BRINP3: variants seen among roughly 807,000 people sequenced by gnomAD.
BRINP3 encodes the protein BMP/retinoic acid-inducible neural-specific protein 3.
In BRINP3, 19 loss-of-function variants were observed where a neutral mutation model predicts 71.0. That is an observed-to-expected ratio of 0.27 (90% CI 0.19 to 0.39). The LOEUF (loss-of-function observed/expected upper bound fraction) is 0.39, where lower values mean the gene tolerates loss of function less well. BRINP3 is among the 10% of genes least tolerant of loss of function. The pLI, the probability that BRINP3 is intolerant of heterozygous loss-of-function variation, is 1.00. For synonymous variants in BRINP3, 380 were observed against 337.7 expected, an observed-to-expected ratio of 1.13 and a Z score of -1.37; for missense variants, 959 against 940.8, an observed-to-expected ratio of 1.02 and a Z score of -0.25.
chr1:190,445,836 T>C (rs1461320963), intron 2 of BRINP3, among the ~76,000 whole-genome samples: 1 of 152,144 alleles, frequency 6.6e-6, no homozygotes, highest in Non-Finnish European at 1.5e-5. Context: ...TGGGATTAGA[T>C]AGAGAAAAAT....
intron 2 of BRINP3, among the ~76,000 whole-genome samples, chr1:190,301,078 TATCTATAGTA>T (rs1664648529): frequency 6.6e-6 from 1 of 150,572 alleles, no homozygotes; most frequent in South Asian, 2.1e-4. Flanking sequence ...CATTTTTATG[TATCTATAGTA>T]ATGTTGATTA....
intron 3 of BRINP3, 99 bp downstream of exon 3, chr1:190,281,461 T>G: frequency 8.9e-7 from 1 of 1,117,900 alleles, no homozygotes; most frequent in Non-Finnish European, 1.3e-6. Flanking sequence ...TCTATAACTA[T>G]TCATACTGTA....
At chr1:190,125,262 T>A (rs1653991710) in intron 7 of BRINP3, among the ~76,000 whole-genome samples, 1 of 151,828 alleles carries the variant, frequency 6.6e-6, no homozygotes, top group Non-Finnish European at 1.5e-5. Context: ...TGAACATGTC[T>A]ATATATGCCT....
intron 6 of BRINP3, among the ~76,000 whole-genome samples, chr1:190,180,218 A>G (rs1053265389): frequency 1.3e-5 from 2 of 152,160 alleles, no homozygotes; most frequent in East Asian, 1.9e-4. Context: ...CCTGTTTGGT[A>G]TATTAATGAA....
intron 7 of BRINP3, among the ~76,000 whole-genome samples, chr1:190,150,759 T>G (rs1004790455): frequency 6.6e-6 from 1 of 152,224 alleles, no homozygotes; most frequent in African/African-American, 2.4e-5. Flanking sequence ...TCCTCTTTTA[T>G]GCATGCACGA....
chr1:190,365,697 AATATT>A (rs1198646368), intron 2 of BRINP3, among the ~76,000 whole-genome samples: 14 of 146,070 alleles, frequency 9.6e-5, no homozygotes, highest in African/African-American at 2.7e-4. Flanking sequence ...TACACAATAT[AATATT>A]ATATTATAAT....
chr1:190,363,893 A>G (rs1267959924), intron 2 of BRINP3, among the ~76,000 whole-genome samples: 1 of 152,166 alleles, frequency 6.6e-6, no homozygotes, highest in African/African-American at 2.4e-5. Flanking sequence ...GCAACTTTCA[A>G]TGGGAATGCA....
At chr1:190,174,146 A>T (rs544763494) in intron 6 of BRINP3, among the ~76,000 whole-genome samples, 2 of 152,290 alleles carry the variant, frequency 1.3e-5, no homozygotes, top group East Asian at 3.9e-4. Context: ...TATAATTTAC[A>T]TGTTACTTCA....
chr1:190,128,842 T>A (rs924364563), intron 7 of BRINP3, among the ~76,000 whole-genome samples: 1 of 151,818 alleles, frequency 6.6e-6, no homozygotes, highest in African/African-American at 2.4e-5. Flanking sequence ...TAGCTAATGC[T>A]TTGAAAATTC....
At chr1:190,229,850 A>C (rs945555473) in intron 5 of BRINP3, among the ~76,000 whole-genome samples, 1 of 152,038 alleles carries the variant, frequency 6.6e-6, no homozygotes, top group Non-Finnish European at 1.5e-5. Flanking sequence ...AGAATTCAAT[A>C]AAATATGATG....
intron 6 of BRINP3, among the ~76,000 whole-genome samples, chr1:190,161,164 AAAGTTT>A (rs1281473574): frequency 1.2e-4 from 18 of 152,204 alleles, no homozygotes; most frequent in African/African-American, 2.9e-4. Context: ...GTTGAAGCAG[AAAGTTT>A]AAGTTTAACT....
At position 190,222,602 on chromosome 1, in the gene BRINP3, A is replaced by G. The variant is rs556627404; in HGVS notation, c.961+3480T>C. Among the ~76,000 whole-genome samples, 3 of 152,064 alleles carry G rather than the reference A, an allele frequency of 2.0e-5. No individual in the cohort carries two copies. The East Asian group carries it at 5.8e-4, about 29-fold the overall frequency. ...AAATACATAAGATCAACAAAAGGAA[A>G]AGCTGCATGTTTGAAAAGATATTAA... is the stretch of plus-strand genomic sequence containing the variant. On this transcript the variant is annotated intron_variant, in intron 6 of 7. Coordinates refer to ENST00000367462, the MANE Select transcript of BRINP3 (RefSeq NM_199051.3).
chr1:190,192,195 T>G (rs966887486), intron 6 of BRINP3, among the ~76,000 whole-genome samples: 3 of 152,174 alleles, frequency 2.0e-5, no homozygotes, highest in Non-Finnish European at 4.4e-5. Flanking sequence ...GCAGTTTATC[T>G]CTTTGCTTTT....
chr1:190,377,335 T>C (rs978398283), intron 2 of BRINP3, among the ~76,000 whole-genome samples: 2 of 151,888 alleles, frequency 1.3e-5, no homozygotes, highest in Non-Finnish European at 2.9e-5. Flanking sequence ...GCAATAAAAC[T>C]AACCTTTAAA....
At chr1:190,365,806 G>GTGTATGTA (rs913644308) in intron 2 of BRINP3, among the ~76,000 whole-genome samples, 1 of 127,876 alleles carries the variant, frequency 7.8e-6, no homozygotes, top group Admixed American at 8.5e-5. Context: ...GAGAGCAAGT[G>GTGTATGTA]TATATATATA....
intron 2 of BRINP3, among the ~76,000 whole-genome samples, chr1:190,297,420 C>A (rs1288145284): frequency 6.6e-6 from 1 of 151,820 alleles, no homozygotes; most frequent in East Asian, 1.9e-4. Flanking sequence ...TCATAAAACT[C>A]CTAAAAGAAA....
At chr1:190,175,252 T>G (rs2102512971) in intron 6 of BRINP3, among the ~76,000 whole-genome samples, 1 of 152,316 alleles carries the variant, frequency 6.6e-6, no homozygotes, top group African/African-American at 2.4e-5. Flanking sequence ...TCAGAGGGAT[T>G]GATCTAGAGT....
chr1:190,375,855 T>C (rs1224795254), intron 2 of BRINP3, among the ~76,000 whole-genome samples: 4 of 152,040 alleles, frequency 2.6e-5, no homozygotes, highest in South Asian at 2.1e-4. Context: ...AAAATAAATA[T>C]GTTAGTGATT....
rs185312857 is a variant in BRINP3 at position 190,269,892 on chromosome 1, A to G, written c.428-4837T>C. Among the ~76,000 whole-genome samples the G allele has an allele frequency of 3.9e-4, 60 of 152,128 alleles. No homozygotes were observed. The East Asian group carries it at 0.01, about 25-fold the overall frequency. On this transcript the variant is annotated intron_variant, in intron 3 of 7. Coordinates refer to ENST00000367462, the MANE Select transcript of BRINP3 (RefSeq NM_199051.3). ...TCCACAATCCTACTTTTTAGAATGTATTTCAAAGGATGACTGACTAAAACA... is the reference window on the plus strand; with the variant it reads ...TCCACAATCCTACTTTTTAGAATGTGTTTCAAAGGATGACTGACTAAAACA...
Sources: allele counts gnomAD v4.1 joint callset (sites outside exome capture counted in the v4.1 genomes callset), GRCh38; gene constraint gnomAD v4.1.1; transcripts MANE v1.5; gene names NCBI Gene and HGNC (gene_info 2026-07-23, HGNC 2026-07-21).